The following CHRM3 variants were observed in gnomAD, a reference collection of about 807,000 sequenced individuals.
CHRM3 encodes cholinergic receptor muscarinic 3.
CHRM3 carries 11 observed loss-of-function variants against 41.8 expected under a neutral mutation model. That is an observed-to-expected ratio of 0.26 (90% CI 0.17 to 0.44). CHRM3 has a LOEUF of 0.44. Among genes scored for constraint, CHRM3 ranks in the 20% least tolerant of loss-of-function variants. CHRM3 has a pLI of 1.00. For synonymous variants in CHRM3, 297 were observed against 301.4 expected (o/e 0.99, Z 0.15); for missense variants, 571 against 745.4 (o/e 0.77, Z 2.72).
chr1:239,457,053 C>T (rs1376763286), intron 1 of CHRM3, among the ~76,000 whole-genome samples: 1 of 152,164 alleles, frequency 6.6e-6, no homozygotes, highest in Admixed American at 6.5e-5. Context: ...CAGCTTGTTG[C>T]TGTCATTCCC....
At chr1:239,667,586 G>A (rs1178842009) in intron 4 of CHRM3, among the ~76,000 whole-genome samples, 1 of 152,144 alleles carries the variant, frequency 6.6e-6, no homozygotes, top group Non-Finnish European at 1.5e-5. Context: ...TAGACTCCAC[G>A]AAGAAACTGA....
intron 5 of CHRM3, among the ~76,000 whole-genome samples, chr1:239,805,926 A>C (rs1670603934): frequency 6.6e-6 from 1 of 152,120 alleles, no homozygotes; most frequent in Non-Finnish European, 1.5e-5. Flanking sequence ...TCTTCCTGGC[A>C]TCTTGATAGT....
At chr1:239,397,288 T>A (rs894746906) in intron 1 of CHRM3, among the ~76,000 whole-genome samples, 1 of 152,256 alleles carries the variant, frequency 6.6e-6, no homozygotes, top group Non-Finnish European at 1.5e-5. Flanking sequence ...GAATTCTGAA[T>A]GTGTACATAT....
intron 1 of CHRM3, among the ~76,000 whole-genome samples, chr1:239,404,348 AAGAG>A (rs1348608889): frequency 6.0e-5 from 6 of 100,112 alleles, no homozygotes; most frequent in South Asian, 4.1e-4. Flanking sequence ...AAGAAAGAGA[AAGAG>A]AAAGAAAGAA....
chr1:239,699,898 A>G (rs1461049517), intron 5 of CHRM3, among the ~76,000 whole-genome samples: 4 of 152,306 alleles, frequency 2.6e-5, no homozygotes, highest in Admixed American at 6.5e-5. Context: ...TATCCGAACT[A>G]TATTTGATAA....
At chr1:239,879,207 T>C (rs1216939632) in intron 6 of CHRM3, among the ~76,000 whole-genome samples, 1 of 152,164 alleles carries the variant, frequency 6.6e-6, no homozygotes. Flanking sequence ...CATAGTTCAC[T>C]GCAGCCTCAA....
intron 2 of CHRM3, among the ~76,000 whole-genome samples, chr1:239,533,438 G>T (rs1314995610): frequency 1.3e-5 from 2 of 151,906 alleles, no homozygotes; most frequent in Non-Finnish European, 2.9e-5. Flanking sequence ...GGAACAAAGT[G>T]GGAAAAGCCC....
intron 1 of CHRM3, among the ~76,000 whole-genome samples, chr1:239,458,203 A>G (rs1314193053): frequency 6.6e-6 from 1 of 152,214 alleles, no homozygotes; most frequent in Non-Finnish European, 1.5e-5. Flanking sequence ...ATCAAGAAAA[A>G]TGAAACCGAG....
intron 6 of CHRM3, among the ~76,000 whole-genome samples, chr1:239,889,697 A>G (rs999184673): frequency 1.3e-5 from 2 of 152,208 alleles, no homozygotes; most frequent in African/African-American, 4.8e-5. Flanking sequence ...TGTTTCAGCC[A>G]GTCAGTCCTG....
At chr1:239,645,160 C>T (rs946736435) in intron 4 of CHRM3, among the ~76,000 whole-genome samples, 2 of 152,180 alleles carry the variant, frequency 1.3e-5, no homozygotes, top group African/African-American at 2.4e-5. Flanking sequence ...GTGTCCCCAT[C>T]GTATTTGCAG....
chr1:239,477,626 C>T (rs1238276277), intron 1 of CHRM3, among the ~76,000 whole-genome samples: 3 of 152,172 alleles, frequency 2.0e-5, no homozygotes, highest in Non-Finnish European at 4.4e-5. Context: ...AGATCCCCAC[C>T]TTCACAATCA....
At chr1:239,662,887 C>CTCG (rs1322477701) in intron 4 of CHRM3, among the ~76,000 whole-genome samples, 254 of 18,604 alleles carry the variant, frequency 0.014, 4 homozygotes, top group African/African-American at 0.057. Flanking sequence ...TCTCCTCTTC[C>CTCG]TCCTCCTCTT....
At chr1:239,760,283 G>C (rs1039217368) in intron 5 of CHRM3, among the ~76,000 whole-genome samples, 5 of 152,006 alleles carry the variant, frequency 3.3e-5, no homozygotes, top group South Asian at 2.1e-4. Flanking sequence ...TGTCTCCGCA[G>C]TGGGTTCTCC....
intron 6 of CHRM3, among the ~76,000 whole-genome samples, chr1:239,871,845 G>A (rs766886978): frequency 1.3e-5 from 2 of 152,152 alleles, no homozygotes; most frequent in Non-Finnish European, 2.9e-5. Context: ...CATTCCCAAA[G>A]AGTAGCCAAA....
chr1:239,552,428 T>A (rs1659940164), intron 3 of CHRM3, among the ~76,000 whole-genome samples: 1 of 147,500 alleles, frequency 6.8e-6, no homozygotes, highest in South Asian at 2.1e-4. Flanking sequence ...GTATGTATCA[T>A]ATATATGTAT....
intron 5 of CHRM3, among the ~76,000 whole-genome samples, chr1:239,812,606 C>T (rs1326483471): frequency 6.6e-6 from 1 of 152,202 alleles, no homozygotes; most frequent in Non-Finnish European, 1.5e-5. Flanking sequence ...GGCTGACTTA[C>T]ACTAATTGTG....
At chr1:239,757,564 A>C (rs933230773) in intron 5 of CHRM3, among the ~76,000 whole-genome samples, 1 of 150,988 alleles carries the variant, frequency 6.6e-6, no homozygotes, top group Non-Finnish European at 1.5e-5. Flanking sequence ...CGGGAGGTGG[A>C]GCTTGCAGTG....
At chr1:239,778,569 C>A (rs936051382) in intron 5 of CHRM3, among the ~76,000 whole-genome samples, 1 of 152,290 alleles carries the variant, frequency 6.6e-6, no homozygotes, top group South Asian at 2.1e-4. Context: ...TCCCTCCTGA[C>A]CTGGATCATT....
At chr1:239,743,980 T>G (rs560799615) in intron 5 of CHRM3, among the ~76,000 whole-genome samples, 22 of 149,646 alleles carry the variant, frequency 1.5e-4, no homozygotes, top group Admixed American at 1.3e-3. Flanking sequence ...TTAAGTTTTT[T>G]TTTTTTTTTG....
Sources: allele counts gnomAD v4.1 joint callset (sites outside exome capture counted in the v4.1 genomes callset), GRCh38; gene constraint gnomAD v4.1.1; transcripts MANE v1.5; gene names NCBI Gene and HGNC (gene_info 2026-07-23, HGNC 2026-07-21).